Variants in PIBF1 observed in about 807,000 individuals in gnomAD.
PIBF1 encodes progesterone-induced-blocking factor 1.
In PIBF1, 90 loss-of-function variants were observed where a neutral mutation model predicts 112.5. The ratio of observed to expected loss-of-function variants is 0.80; its 90% confidence interval spans 0.67 to 0.95. The LOEUF is 0.95. Ranked by LOEUF, PIBF1 falls within the 40% of genes least tolerant of loss-of-function variation. The pLI is 0.00. For missense variants in PIBF1, 915 were observed against 852.3 expected (o/e 1.07, Z -0.92); for synonymous variants, 301 against 288.6 (o/e 1.04, Z -0.44).
At chr13:72,802,704 T>C (rs747921845) in intron 5 of PIBF1, among the ~76,000 whole-genome samples, 2 of 152,112 alleles carry the variant, frequency 1.3e-5, no homozygotes, top group Non-Finnish European at 2.9e-5. Flanking sequence ...AGATGTACAG[T>C]CAAAGGTATG....
chr13:72,913,583 G>A (rs2040970369), intron 12 of PIBF1, among the ~76,000 whole-genome samples: 1 of 152,098 alleles, frequency 6.6e-6, no homozygotes, highest in Non-Finnish European at 1.5e-5. Context: ...TTCAAGGCCA[G>A]CCGGGGCAAC....
chr13:72,797,974 T>C lies in PIBF1; in HGVS notation c.620T>C (p.Ile207Thr). 6.2e-7 allele frequency: 1 copy of C among 1,610,368 alleles called. No individual in the cohort carries two copies. The highest frequency in any genetic ancestry group is 1.1e-5 in the South Asian group (1 of 90,300). ...EICELQVKKN[I>T]LAEELSTNKN... ...TGTGAACTACAAGTGAAAAAGAATA[T>C]CCTAGCAGAAGAATTAAGTACAAAC... The change falls in exon 5 of 18, where the codon ATC becomes ACC. Residue 207 changes from isoleucine (I) to threonine (T), a missense_variant. Transcript: ENST00000326291.
At chr13:72,899,993 A>C (rs184920465) in intron 11 of PIBF1, among the ~76,000 whole-genome samples, 31 of 152,080 alleles carry the variant, frequency 2.0e-4, no homozygotes, top group African/African-American at 7.0e-4. Context: ...CAAGAACTCA[A>C]CCCCTTTTAC....
At chr13:72,801,800 A>T (rs2035491597) in intron 5 of PIBF1, among the ~76,000 whole-genome samples, 1 of 152,210 alleles carries the variant, frequency 6.6e-6, no homozygotes. Context: ...GTAAGCCTTG[A>T]ATAACACCAT....
chr13:72,872,754 C>T (rs2039219972), intron 10 of PIBF1, among the ~76,000 whole-genome samples: 1 of 152,036 alleles, frequency 6.6e-6, no homozygotes, highest in Admixed American at 6.6e-5. Flanking sequence ...TTATAGGATA[C>T]AAGTTACTAT....
chr13:72,845,958 A>G (rs1263070286), intron 9 of PIBF1, among the ~76,000 whole-genome samples: 1 of 152,160 alleles, frequency 6.6e-6, no homozygotes, highest in African/African-American at 2.4e-5. Flanking sequence ...TACTAGCAGT[A>G]TGTAACACAG....
chr13:72,877,286 T>C (rs557868842), intron 10 of PIBF1, among the ~76,000 whole-genome samples: 2 of 152,258 alleles, frequency 1.3e-5, no homozygotes, highest in Admixed American at 6.5e-5. Flanking sequence ...GATTTGTTAA[T>C]AATTTGTTGA....
At chr13:72,916,136 C>G (rs951455813) in intron 12 of PIBF1, among the ~76,000 whole-genome samples, 1 of 151,784 alleles carries the variant, frequency 6.6e-6, no homozygotes, top group Non-Finnish European at 1.5e-5. Context: ...CACGTGTAAT[C>G]CCAGCACTTT....
chr13:72,913,354 A>T (rs1013430181), intron 12 of PIBF1, among the ~76,000 whole-genome samples: 1 of 152,164 alleles, frequency 6.6e-6, no homozygotes, highest in Admixed American at 6.5e-5. Context: ...ATAATTGATG[A>T]TTTGCATGTT....
intron 5 of PIBF1, among the ~76,000 whole-genome samples, chr13:72,803,254 G>GT (rs1566289349): frequency 1.5e-5 from 2 of 130,466 alleles, no homozygotes; most frequent in Non-Finnish European, 1.6e-5. Flanking sequence ...TTTTTGTTTT[G>GT]TTTTTTGTTT....
chr13:72,923,945 CAA>C (rs767267160), intron 13 of PIBF1, among the ~76,000 whole-genome samples: 1 of 152,144 alleles, frequency 6.6e-6, no homozygotes, highest in Non-Finnish European at 1.5e-5. Flanking sequence ...GCTTGGGCGA[CAA>C]GAGCGAAACT....
At chr13:72,813,532 T>C (rs1199117152) in intron 5 of PIBF1, among the ~76,000 whole-genome samples, 4 of 152,200 alleles carry the variant, frequency 2.6e-5, no homozygotes, top group Non-Finnish European at 5.9e-5. Context: ...TGAAGTCTTC[T>C]TTAGTCACCA....
chr13:72,790,510 CATAG>C (rs3078582), intron 2 of PIBF1, among the ~76,000 whole-genome samples: 46,610 of 139,646 alleles, frequency 0.33, 7,858 homozygotes, highest in South Asian at 0.4. Context: ...CACACACACA[CATAG>C]ATAGATAGAT....
intron 3 of PIBF1, among the ~76,000 whole-genome samples, chr13:72,793,976 A>G (rs979439802): frequency 3.3e-5 from 5 of 152,200 alleles, no homozygotes; most frequent in Admixed American, 6.5e-5. Flanking sequence ...GACAGTATTC[A>G]AGTCATGAGA....
Position 72,811,657 on chromosome 13 carries a change from G to A in PIBF1, c.673-10192G>A, listed in dbSNP as rs565695741. 2.0e-3 allele frequency among the ~76,000 whole-genome samples: 298 copies of A among 150,350 alleles called. 1 individual carries two copies. The highest frequency in any genetic ancestry group is 6.9e-3 in the African/African-American group (284 of 40,894). On this transcript the variant is annotated intron_variant, in intron 5 of 17. Transcript: ENST00000326291. Reference sequence around the variant, plus strand: ...TGCCATTTCTTGCCGCCAATATAAAGTTAATATGTTTTAATATATTTAACA... The same window carrying A: ...TGCCATTTCTTGCCGCCAATATAAAATTAATATGTTTTAATATATTTAACA...
At chr13:72,807,381 C>T (rs1027024898) in intron 5 of PIBF1, among the ~76,000 whole-genome samples, 25 of 151,918 alleles carry the variant, frequency 1.6e-4, no homozygotes, top group Admixed American at 1.3e-3. Context: ...TTGAGACCAG[C>T]CTGGTTAATA....
At chr13:72,891,749 G>C (rs955195026) in intron 10 of PIBF1, among the ~76,000 whole-genome samples, 2 of 152,014 alleles carry the variant, frequency 1.3e-5, no homozygotes, top group African/African-American at 4.8e-5. Context: ...ACAAAAACTT[G>C]TACATAAATG....
intron 1 of PIBF1, among the ~76,000 whole-genome samples, chr13:72,782,908 T>G (rs200714368): frequency 7.6e-4 from 101 of 133,260 alleles, no homozygotes; most frequent in African/African-American, 1.3e-3. Flanking sequence ...GTGTGTGTGT[T>G]TGTGTTTGTG....
intron 10 of PIBF1, among the ~76,000 whole-genome samples, chr13:72,877,180 C>T (rs889296528): frequency 2.1e-4 from 32 of 152,246 alleles, no homozygotes; most frequent in African/African-American, 7.7e-4. Context: ...TGATGGATCA[C>T]ATTAATTGAT....
Sources: gnomAD v4.1 joint callset for allele counts (sites outside exome capture counted in the v4.1 genomes callset) on GRCh38, gnomAD v4.1.1 for gene constraint, MANE v1.5 for transcripts, NCBI Gene and HGNC (gene_info 2026-07-23, HGNC 2026-07-21) for gene names.